The following COL24A1 variants were observed in gnomAD, a reference collection of about 807,000 sequenced individuals.
COL24A1 encodes collagen alpha-1(XXIV) chain.
Under a neutral mutation model 253.9 loss-of-function variants are expected in COL24A1, and 224 were observed. The observed-to-expected ratio is 0.88, with a 90% CI of 0.79 to 0.99. The LOEUF (loss-of-function observed/expected upper bound fraction) is 0.99, where lower values mean the gene tolerates loss of function less well. Among genes scored for constraint, COL24A1 ranks in the 50% least tolerant of loss-of-function variants. The probability of loss-of-function intolerance (pLI) is 0.00; values close to 1 mark genes in which losing one functional copy is unlikely to be tolerated. For synonymous variants in COL24A1, 685 were observed against 673.7 expected, an observed-to-expected ratio of 1.02 and a Z score of -0.26; for missense variants, 2,131 against 2,068.5, an observed-to-expected ratio of 1.03 and a Z score of -0.59.
intron 1 of COL24A1, among the ~76,000 whole-genome samples, chr1:86,151,905 A>T (rs1652827548): frequency 6.6e-6 from 1 of 152,208 alleles, no homozygotes; most frequent in Non-Finnish European, 1.5e-5. Flanking sequence ...AACCAATTGA[A>T]AATGGTGAAC....
chr1:85,772,712 G>T (rs1668111398), intron 53 of COL24A1, among the ~76,000 whole-genome samples: 1 of 151,932 alleles, frequency 6.6e-6, no homozygotes, highest in African/African-American at 2.4e-5. Flanking sequence ...TTTTTTGATG[G>T]GGTTGTTTGT....
At chr1:86,093,072 G>A (rs914073540) in intron 5 of COL24A1, among the ~76,000 whole-genome samples, 2 of 151,882 alleles carry the variant, frequency 1.3e-5, no homozygotes, top group African/African-American at 4.8e-5. Context: ...TCTCAACTAA[G>A]AATAAATAAT....
At chr1:86,105,267 C>T (rs1432467560) in intron 5 of COL24A1, among the ~76,000 whole-genome samples, 3 of 152,134 alleles carry the variant, frequency 2.0e-5, no homozygotes, top group African/African-American at 4.8e-5. Flanking sequence ...CATGCAAAAC[C>T]GGTGGAACAA....
At chr1:86,067,158 AAAAG>A (rs1448030448) in intron 7 of COL24A1, among the ~76,000 whole-genome samples, 2 of 152,084 alleles carry the variant, frequency 1.3e-5, no homozygotes, top group African/African-American at 4.8e-5. Flanking sequence ...GAAAAAAAAA[AAAAG>A]AGTTACTTCA....
chr1:85,942,414 T>C (rs1423467680), intron 24 of COL24A1, among the ~76,000 whole-genome samples: 1 of 152,210 alleles, frequency 6.6e-6, no homozygotes, highest in East Asian at 1.9e-4. Context: ...TCCTATATGG[T>C]TTTTGCCTAA....
chr1:85,744,035 C>T (rs1480970153), intron 57 of COL24A1, among the ~76,000 whole-genome samples: 3 of 151,336 alleles, frequency 2.0e-5, no homozygotes, highest in African/African-American at 7.3e-5. Flanking sequence ...ATTTTTTTTT[C>T]AAACATGTCA....
intron 5 of COL24A1, among the ~76,000 whole-genome samples, chr1:86,108,714 G>A (rs1304246445): frequency 6.6e-6 from 1 of 151,298 alleles, no homozygotes; most frequent in Non-Finnish European, 1.5e-5. Context: ...GGCTGCAGCA[G>A]GATAATCGCT....
At chr1:85,842,209 C>T in intron 40 of COL24A1, 88 bp from the exon 41 acceptor site, 1 of 1,424,348 alleles carries the variant, frequency 7.0e-7, no homozygotes, top group Non-Finnish European at 9.9e-7. Context: ...GATTCACTGT[C>T]TAGGAGGATG....
chr1:86,012,415 C>T (rs1332017229), intron 19 of COL24A1, among the ~76,000 whole-genome samples: 1 of 151,974 alleles, frequency 6.6e-6, no homozygotes, highest in Admixed American at 6.6e-5. Flanking sequence ...CAGTGAAATC[C>T]CATCTCAACT....
intron 5 of COL24A1, among the ~76,000 whole-genome samples, chr1:86,105,856 C>T (rs1268086206): frequency 2.6e-5 from 4 of 152,108 alleles, no homozygotes; most frequent in African/African-American, 4.8e-5. Context: ...CTCCAGGAGT[C>T]GCTGGGGTCC....
intron 9 of COL24A1, among the ~76,000 whole-genome samples, chr1:86,058,903 CACATCAA>C (rs1400608976): frequency 6.6e-6 from 1 of 152,034 alleles, no homozygotes; most frequent in Non-Finnish European, 1.5e-5. Flanking sequence ...CATTGTACAT[CACATCAA>C]ACATATTTAA....
At chr1:85,828,601 G>C (rs1342958089) in intron 43 of COL24A1, among the ~76,000 whole-genome samples, 1 of 150,162 alleles carries the variant, frequency 6.7e-6, no homozygotes, top group Admixed American at 6.7e-5. Flanking sequence ...GTGAATCTGG[G>C]TGCTCCTGTA....
chr1:85,730,405 G>T lies in COL24A1; in HGVS notation c.*141C>A. On this transcript the variant is annotated 3_prime_UTR_variant, in exon 60 of 60. Transcript: ENST00000370571. The stretch of plus-strand genomic sequence containing the variant: ...TGCCTTTTCTCCTTCTTAGGAGGAA[G>T]TCTGTTCTTCCTGAGATTCTTTAAG... 1 of 815,440 alleles carries T rather than the reference G, an allele frequency of 1.2e-6. No individual in the cohort carries two copies. Among genetic ancestry groups the T allele is most frequent in the Non-Finnish European group, 1.8e-6 (1 of 545,678 alleles). The allele number at this position is 815,440 out of a possible 1,614,324, so 50.5% of individuals were successfully genotyped here.
intron 2 of COL24A1, among the ~76,000 whole-genome samples, chr1:86,138,531 T>C (rs1053949974): frequency 2.0e-5 from 3 of 152,162 alleles, no homozygotes; most frequent in Non-Finnish European, 4.4e-5. Flanking sequence ...CTAGATCTGA[T>C]GGTTTTTTAA....
chr1:85,855,879 T>C (rs1678382484), intron 37 of COL24A1, among the ~76,000 whole-genome samples: 1 of 152,198 alleles, frequency 6.6e-6, no homozygotes, highest in Non-Finnish European at 1.5e-5. Context: ...GAACTCATTA[T>C]TGGTCTGCTC....
Position 85,907,192 on chromosome 1 carries a change from A to G in COL24A1, c.2778+2T>C. ...ATGTACTTTTTTCCTTAGATTACTT[A>G]CTCTTTGTCCTTTAGGACCTTGACT... On this transcript the variant is annotated splice_donor_variant, in intron 28 of 59. Transcript: ENST00000370571. LOFTEE classifies it high-confidence loss of function. 6.2e-7 allele frequency: 1 copy of G among 1,609,688 alleles called. No individual in the cohort carries two copies.
chr1:85,863,875 A>G (rs527624311), intron 37 of COL24A1, among the ~76,000 whole-genome samples: 10 of 152,224 alleles, frequency 6.6e-5, no homozygotes, highest in East Asian at 3.9e-4. Context: ...TTAGAATGGC[A>G]ATCATTAAAA....
intron 43 of COL24A1, among the ~76,000 whole-genome samples, chr1:85,829,475 G>A (rs7529410): frequency 0.029 from 4,422 of 151,778 alleles, 215 homozygotes; most frequent in African/African-American, 0.099. Flanking sequence ...GGCCTGCCTT[G>A]CTAGATTGGG....
chr1:85,994,012 T>C (rs967241872), intron 19 of COL24A1, among the ~76,000 whole-genome samples: 8 of 152,036 alleles, frequency 5.3e-5, no homozygotes, highest in Non-Finnish European at 8.8e-5. Context: ...CCTGTTGTTA[T>C]AGATAAGAGT....
Sources: gnomAD v4.1 joint callset for allele counts (sites outside exome capture counted in the v4.1 genomes callset) on GRCh38, gnomAD v4.1.1 for gene constraint, MANE v1.5 for transcripts, NCBI Gene and HGNC (gene_info 2026-07-23, HGNC 2026-07-21) for gene names.